The following AP2A1 variants were observed in gnomAD, a reference collection of about 807,000 sequenced individuals.
AP2A1 encodes adaptor related protein complex 2 subunit alpha 1.
Under a neutral mutation model 107.3 loss-of-function variants are expected in AP2A1, and 21 were observed. That is an observed-to-expected ratio of 0.20 (90% CI 0.14 to 0.28). AP2A1 has a LOEUF of 0.28. Among genes scored for constraint, AP2A1 ranks in the 10% least tolerant of loss-of-function variants. AP2A1 has a pLI of 1.00. For missense variants in AP2A1, 873 were observed against 1,307.7 expected, an observed-to-expected ratio of 0.67 and a Z score of 5.13; for synonymous variants, 602 against 564.8, an observed-to-expected ratio of 1.07 and a Z score of -0.93.
chr19:49,791,725 G>C (rs1343517651), intron 4 of AP2A1: 1 of 571,146 alleles, frequency 1.8e-6, no homozygotes, highest in Non-Finnish European at 3.1e-6. Context: ...AGCCCTGTGA[G>C]GTTACTGAGA....
chr19:49,781,926 T>C, intron 2 of AP2A1, 21 bp from the exon 3 acceptor site: 2 of 1,605,212 alleles, frequency 1.2e-6, no homozygotes, highest in Non-Finnish European at 1.7e-6. Flanking sequence ...TGGCTCCCCT[T>C]TCCTCCTTCC....
Position 49,806,969 on chromosome 19 carries a change from C to CT in AP2A1, c.*214dup. 6.5e-7 allele frequency: 1 copy of CT among 1,533,042 alleles called. No individual in the cohort carries two copies. Among genetic ancestry groups the CT allele is most frequent in the Non-Finnish European group, 8.7e-7 (1 of 1,146,288 alleles). 95.0% of individuals were successfully genotyped at this position (1,533,042 alleles called of 1,614,324 possible). ...GGTTAGGGGGAGTCCCCCTCCCTCCCTTTCCCCCCCAAGCACAGAGGGGAG... is the reference window on the plus strand; with the variant it reads ...GGTTAGGGGGAGTCCCCCTCCCTCCCTTTTCCCCCCCAAGCACAGAGGGGAG... On this transcript the variant is annotated 3_prime_UTR_variant, in exon 23 of 23. Transcript: ENST00000354293.
chr19:49,794,643 A>G (rs1259177442), intron 6 of AP2A1, among the ~76,000 whole-genome samples: 2 of 152,054 alleles, frequency 1.3e-5, no homozygotes, highest in Non-Finnish European at 1.5e-5. Flanking sequence ...GGAGTTTGCA[A>G]TGAGGAAAAA....
intron 4 of AP2A1, 88 bp from the exon 5 acceptor site, chr19:49,791,847 C>T (rs2073146381): frequency 2.0e-6 from 3 of 1,494,142 alleles, no homozygotes; most frequent in Non-Finnish European, 2.7e-6. Context: ...CTCGCACACC[C>T]TTCCTGGGAG....
At chr19:49,780,023 T>A (rs2084657739) in intron 1 of AP2A1, among the ~76,000 whole-genome samples, 1 of 152,230 alleles carries the variant, frequency 6.6e-6, no homozygotes, top group Non-Finnish European at 1.5e-5. Context: ...GCACATATAC[T>A]TGCTTTCTCA....
In AP2A1 at chr19:49,805,589, C is replaced by T. The variant is rs1568590621; in HGVS notation, c.2468+13C>T. On this transcript the variant is annotated intron_variant, in intron 19 of 22. Coordinates refer to ENST00000354293, the MANE Select transcript of AP2A1 (RefSeq NM_130787.3). The stretch of plus-strand genomic sequence containing the variant: ...CCGTGCGCTTCCGGTGAGTCAGGTA[C>T]GGCGCGGCCGGTGGGCGGAGCCTCC... 3 of 1,564,896 alleles carry T rather than the reference C, an allele frequency of 1.9e-6. No homozygotes were observed. The highest frequency in any genetic ancestry group is 1.2e-5 in the South Asian group (1 of 85,214).
chr19:49,767,007 CAG>C lies in AP2A1; in HGVS notation c.-126_-125del. On this transcript the variant is annotated 5_prime_UTR_variant, in exon 1 of 23. Transcript: ENST00000354293. Reference sequence around the variant, plus strand: ...CCAGCCCGCCCGCCCGCCCGCCAGCCAGCCCTCCCCGCGGCCGGCTCGGCTCC... The same window carrying C: ...CCAGCCCGCCCGCCCGCCCGCCAGCCCCCTCCCCGCGGCCGGCTCGGCTCC... The C allele has an allele frequency of 2.7e-5, 27 of 983,226 alleles. No individual in the cohort carries two copies. The highest frequency in any genetic ancestry group is 6.9e-5 in the East Asian group (2 of 28,928). 60.9% of individuals were successfully genotyped at this position (983,226 alleles called of 1,614,324 possible).
At position 49,806,860 on chromosome 19, in the gene AP2A1, C is replaced by T. The variant is rs2123776871; in HGVS notation, c.*102C>T. ...ACCTCCACTGGTGACAGAGAAGACA[C>T]CAGGGTTTGGGGGATGCCTGGGACT... On this transcript the variant is annotated 3_prime_UTR_variant, in exon 23 of 23. Coordinates refer to ENST00000354293, the MANE Select transcript of AP2A1 (RefSeq NM_130787.3). The T allele has an allele frequency of 6.3e-7, 1 of 1,581,432 alleles. No homozygotes were observed. Among genetic ancestry groups the T allele is most frequent in the East Asian group, 2.3e-5 (1 of 42,850 alleles).
At chr19:49,806,380 T>G in intron 22 of AP2A1, 127 bp downstream of exon 22, 1 of 1,438,108 alleles carries the variant, frequency 7.0e-7, no homozygotes, top group Non-Finnish European at 9.1e-7. Flanking sequence ...CACATTTCTT[T>G]GTCCACTTTT....
chr19:49,787,644 C>T lies in AP2A1; in HGVS notation c.474-4291C>T, dbSNP rs143925803. Among the ~76,000 whole-genome samples, 816 of 151,408 alleles carry T rather than the reference C, an allele frequency of 5.4e-3. 4 individuals are homozygous for T. The highest frequency in any genetic ancestry group is 0.019 in the African/African-American group (769 of 41,248). ...GATTACAGGCGTGAGCCTCTGCGCC[C>T]GGTCATTTTAACCATTTGAAGGTGT... On this transcript the variant is annotated intron_variant, in intron 4 of 22. Coordinates refer to ENST00000354293, the MANE Select transcript of AP2A1 (RefSeq NM_130787.3).
At chr19:49,800,446 G>A (rs2073264113) in intron 11 of AP2A1, among the ~76,000 whole-genome samples, 1 of 151,506 alleles carries the variant, frequency 6.6e-6, no homozygotes, top group Non-Finnish European at 1.5e-5. Context: ...ACACAGTCCT[G>A]TTTTTTGTTT....
chr19:49,802,414 C>G, intron 15 of AP2A1: 1 of 1,047,096 alleles, frequency 9.6e-7, no homozygotes. Flanking sequence ...TTTTCTCCTT[C>G]TCTCCTTCCC....
Position 49,785,779 on chromosome 19 carries a change from T to A in AP2A1, c.473+3055T>A, listed in dbSNP as rs1462763783. 1.3e-5 allele frequency among the ~76,000 whole-genome samples: 2 copies of A among 151,964 alleles called. No homozygotes were observed. Among genetic ancestry groups the A allele is most frequent in the Non-Finnish European group, 2.9e-5 (2 of 67,974 alleles). On this transcript the variant is annotated intron_variant, in intron 4 of 22. Transcript: ENST00000354293. This position sits in a 1 kb window ranked among gnomAD's most constrained non-coding sequence, Gnocchi z 4.1. ...TAAAAATACAAAAATTAGTCAGGTG[T>A]GGTGGCGGGCACCTGTAATCCCAGC...
intron 1 of AP2A1, among the ~76,000 whole-genome samples, chr19:49,773,611 T>C (rs77714959): frequency 0.014 from 2,146 of 152,254 alleles, 47 homozygotes; most frequent in African/African-American, 0.049. Context: ...GGTGCTCACG[T>C]TCTAGAGAGG....
chr19:49,793,099 G>A lies in AP2A1; in HGVS notation c.705+7G>A. The A allele has an allele frequency of 1.3e-6, 2 of 1,594,874 alleles. No individual in the cohort carries two copies. Among genetic ancestry groups the A allele is most frequent in the East Asian group, 2.3e-5 (1 of 44,044 alleles). ...TGTGTCGCGCCTGAGCCGGGTGGGTGTGGCCTAGATATTGGCTGCTGGAGG... is the reference window on the plus strand; with the variant it reads ...TGTGTCGCGCCTGAGCCGGGTGGGTATGGCCTAGATATTGGCTGCTGGAGG... On this transcript the variant is annotated splice_region_variant and intron_variant, in intron 6 of 22. Transcript: ENST00000354293.
chr19:49,795,144 C>T (rs112128186), intron 6 of AP2A1, among the ~76,000 whole-genome samples: 59 of 152,304 alleles, frequency 3.9e-4, no homozygotes, highest in African/African-American at 1.2e-3. Context: ...TGTGCTCTGA[C>T]GGAGGAAGCC....
At chr19:49,787,354 G>GTTTTTT (rs1175245045) in intron 4 of AP2A1, among the ~76,000 whole-genome samples, 2 of 94,514 alleles carry the variant, frequency 2.1e-5, no homozygotes, top group Non-Finnish European at 2.1e-5. Context: ...TTTGTTTTTT[G>GTTTTTT]TTTTTTTTTT....
chr19:49,777,402 G>A (rs1265817596), intron 1 of AP2A1, among the ~76,000 whole-genome samples: 2 of 152,066 alleles, frequency 1.3e-5, no homozygotes, highest in Non-Finnish European at 2.9e-5. Flanking sequence ...TTGGGAGGCT[G>A]AGGCGGGCGG....
At chr19:49,774,640 G>T (rs563238286) in intron 1 of AP2A1, among the ~76,000 whole-genome samples, 1 of 151,948 alleles carries the variant, frequency 6.6e-6, no homozygotes, top group Admixed American at 6.6e-5. Context: ...AGCAAAACAG[G>T]GGCCAGGTAT....
Sources: gnomAD v4.1 joint callset for allele counts (sites outside exome capture counted in the v4.1 genomes callset) on GRCh38, gnomAD v4.1.1 for gene constraint, Gnocchi (gnomAD v3.1) non-coding constraint, MANE v1.5 for transcripts, NCBI Gene and HGNC (gene_info 2026-07-23, HGNC 2026-07-21) for gene names.